The following CSMD3 variants were observed in gnomAD, a reference collection of about 807,000 sequenced individuals.
CSMD3 encodes the protein CUB and Sushi multiple domains 3.
In CSMD3, 177 loss-of-function variants were observed where a neutral mutation model predicts 435.2. That is an observed-to-expected ratio of 0.41 (90% CI 0.36 to 0.46). The LOEUF (loss-of-function observed/expected upper bound fraction) is 0.46, where lower values mean the gene tolerates loss of function less well. CSMD3 is among the 20% of genes least tolerant of loss of function. CSMD3 has a pLI of 0.34. For synonymous variants in CSMD3, 1,656 were observed against 1,520.5 expected, an observed-to-expected ratio of 1.09 and a Z score of -2.07; for missense variants, 4,265 against 4,504.6, an observed-to-expected ratio of 0.95 and a Z score of 1.52.
In CSMD3 at chr8:113,153,092, G is replaced by GAAAGAAAGAAAAA. The variant is rs2091850601; in HGVS notation, c.709+20629_709+20630insTTTTTCTTTCTTT. Among the ~76,000 whole-genome samples, 7 of 85,928 alleles carry GAAAGAAAGAAAAA rather than the reference G, an allele frequency of 8.1e-5. No individual in the cohort carries two copies. The South Asian group carries it at 2.9e-3, about 35-fold the overall frequency. 56.4% of individuals were successfully genotyped at this position (85,928 alleles called of 152,430 possible). A position where few individuals can be genotyped will look rare whatever the true frequency, so the allele number is the denominator to read the frequency against. ...AAAGAAAGAAAAAGAAAGAAAGAAA[G>GAAAGAAAGAAAAA]AAAGAAAGAAAAGAAAGAAAGAAAG... On this transcript the variant is annotated intron_variant, in intron 4 of 70. Transcript: ENST00000297405.
chr8:112,895,779 A>T (rs1234190765), intron 10 of CSMD3, among the ~76,000 whole-genome samples: 1 of 151,462 alleles, frequency 6.6e-6, no homozygotes, highest in Non-Finnish European at 1.5e-5. Context: ...GCAGCTGGAG[A>T]TACTAATACT....
At chr8:113,061,932 G>A (rs1165232064) in intron 5 of CSMD3, among the ~76,000 whole-genome samples, 1 of 151,438 alleles carries the variant, frequency 6.6e-6, no homozygotes, top group African/African-American at 2.4e-5. Context: ...TGTCTTCTTT[G>A]TACATAATTC....
At chr8:113,164,154 A>G (rs923882945) in intron 4 of CSMD3, among the ~76,000 whole-genome samples, 1 of 151,944 alleles carries the variant, frequency 6.6e-6, no homozygotes, top group Non-Finnish European at 1.5e-5. Flanking sequence ...TCAGAACTTG[A>G]CTTTTGTAAA....
chr8:112,386,610 G>A (rs1474850905), intron 36 of CSMD3, among the ~76,000 whole-genome samples: 13 of 151,986 alleles, frequency 8.6e-5, no homozygotes, highest in Admixed American at 8.5e-4. Flanking sequence ...TCATTCTCCT[G>A]CCTCAGCCTC....
intron 17 of CSMD3, among the ~76,000 whole-genome samples, chr8:112,662,664 C>T (rs998945407): frequency 7.2e-5 from 11 of 152,182 alleles, no homozygotes; most frequent in South Asian, 4.1e-4. Flanking sequence ...AAAGCCAAAA[C>T]TGACAAATGG....
intron 4 of CSMD3, among the ~76,000 whole-genome samples, chr8:113,151,793 T>C (rs958464307): frequency 6.6e-6 from 1 of 152,052 alleles, no homozygotes; most frequent in African/African-American, 2.4e-5. Context: ...TATCTTATGA[T>C]ATGATTTTGA....
rs1563852502 is a variant in CSMD3, at chr8:112,370,044, A to AGAAGAG, written c.6136+10307_6136+10308insCTCTTC. ...AAGAGGAAGAAGAAGAAGAAGAAGA[A>AGAAGAG]GAAGAAGAAGAAGAAGAAGAAGAAG... On this transcript the variant is annotated intron_variant, in intron 38 of 70. Transcript: ENST00000297405. Among the ~76,000 whole-genome samples, 5 of 142,446 alleles carry AGAAGAG rather than the reference A, an allele frequency of 3.5e-5. 1 individual carries two copies. In the East Asian group the frequency reaches 1.1e-3, roughly 31 times the overall value. 93.5% of individuals were successfully genotyped at this position (142,446 alleles called of 152,430 possible).
At chr8:112,504,185 T>C (rs1437216507) in intron 29 of CSMD3, among the ~76,000 whole-genome samples, 1 of 151,972 alleles carries the variant, frequency 6.6e-6, no homozygotes, top group Non-Finnish European at 1.5e-5. Context: ...AGAAAAAAAC[T>C]TGATATTTTT....
chr8:112,361,572 C>CATACATATATATATATATAT (rs1314097693), intron 38 of CSMD3, among the ~76,000 whole-genome samples: 1 of 107,204 alleles, frequency 9.3e-6, no homozygotes, highest in African/African-American at 3.4e-5. Flanking sequence ...TATACACATA[C>CATACATATATATATATATAT]ATATATATAT....
chr8:112,723,018 A>T (rs373469675), intron 13 of CSMD3, among the ~76,000 whole-genome samples: 1 of 152,028 alleles, frequency 6.6e-6, no homozygotes, highest in African/African-American at 2.4e-5. Context: ...AGGTCACATT[A>T]GTCATTTGTT....
intron 4 of CSMD3, among the ~76,000 whole-genome samples, chr8:113,128,517 G>A (rs2091201068): frequency 6.6e-6 from 1 of 151,764 alleles, no homozygotes; most frequent in African/African-American, 2.4e-5. Flanking sequence ...TTAACATACT[G>A]TATTACACTA....
At chr8:112,480,907 A>C (rs1819572076) in intron 31 of CSMD3, among the ~76,000 whole-genome samples, 1 of 152,134 alleles carries the variant, frequency 6.6e-6, no homozygotes, top group African/African-American at 2.4e-5. Context: ...ACAGTTTCTT[A>C]GTTTTCTTGT....
chr8:112,486,806 A>G (rs1416892929), intron 31 of CSMD3, among the ~76,000 whole-genome samples: 1 of 152,084 alleles, frequency 6.6e-6, no homozygotes, highest in African/African-American at 2.4e-5. Flanking sequence ...CTAGCAATGG[A>G]CTTTACCTAT....
At chr8:112,592,637 A>T (rs558037669) in intron 22 of CSMD3, among the ~76,000 whole-genome samples, 57 of 152,238 alleles carry the variant, frequency 3.7e-4, no homozygotes, top group Non-Finnish European at 7.1e-4. Context: ...AAAACTTTTT[A>T]AAATCAATTA....
intron 9 of CSMD3, among the ~76,000 whole-genome samples, chr8:112,937,914 A>AT (rs1376722289): frequency 2.6e-5 from 4 of 152,186 alleles, no homozygotes; most frequent in African/African-American, 7.2e-5. Context: ...CAAAAATAGA[A>AT]TAAATACTGA....
At chr8:112,297,221 G>T (rs1390943085) in intron 53 of CSMD3, among the ~76,000 whole-genome samples, 3 of 129,740 alleles carry the variant, frequency 2.3e-5, no homozygotes, top group South Asian at 4.9e-4. Context: ...ATTTTATGAA[G>T]TAATCATTAA....
intron 4 of CSMD3, among the ~76,000 whole-genome samples, chr8:113,157,739 T>C (rs1459779746): frequency 1.3e-5 from 2 of 152,092 alleles, no homozygotes; most frequent in African/African-American, 2.4e-5. Flanking sequence ...GGATGAGATA[T>C]GTATTATAAG....
At chr8:112,427,728 A>C (rs1341811580) in intron 32 of CSMD3, among the ~76,000 whole-genome samples, 1 of 152,146 alleles carries the variant, frequency 6.6e-6, no homozygotes. Context: ...TTCATCCTAC[A>C]GTATATCTTT....
chr8:113,161,151 C>T (rs913938925), intron 4 of CSMD3, among the ~76,000 whole-genome samples: 1 of 152,034 alleles, frequency 6.6e-6, no homozygotes, highest in African/African-American at 2.4e-5. Context: ...GGAGATGAAT[C>T]CGGATTTATC....
Sources: allele counts gnomAD v4.1 joint callset (sites outside exome capture counted in the v4.1 genomes callset), GRCh38; gene constraint gnomAD v4.1.1; transcripts MANE v1.5; gene names NCBI Gene and HGNC (gene_info 2026-07-23, HGNC 2026-07-21).